The following VAMP2 variants were observed in gnomAD, a reference collection of about 807,000 sequenced individuals.
VAMP2 encodes vesicle associated membrane protein 2, also known as vesicle-associated membrane protein 2.
For synonymous variants in VAMP2, 67 were observed against 57.3 expected (o/e 1.17, Z -0.76); for missense variants, 95 against 151.3 (o/e 0.63, Z 1.95).
intron 4 of VAMP2, 111 bp downstream of exon 4, chr17:8,161,362 A>G (rs1983305859): frequency 7.0e-7 from 1 of 1,422,900 alleles, no homozygotes; most frequent in Non-Finnish European, 9.5e-7. Flanking sequence ...ATTAGCAGCT[A>G]TATGTGTTTT....
Position 8,160,380 on chromosome 17 carries a change from G to GTTTTTTTTTTTTGT in VAMP2, c.*474_*475insACAAAAAAAAAAAA, listed in dbSNP as rs1983261348. ...TAAGGAAGCCTGGACAGGTGCTGTT[G>GTTTTTTTTTTTTGT]TTTTTTTTTTTTTTTTTTTTTTTTT... On this transcript the variant is annotated 3_prime_UTR_variant, in exon 5 of 5. Transcript: ENST00000316509. 1 of 35,108 alleles carries GTTTTTTTTTTTTGT rather than the reference G, an allele frequency of 2.8e-5. No individual in the cohort carries two copies. Among genetic ancestry groups the GTTTTTTTTTTTTGT allele is most frequent in the African/African-American group, 1.2e-4 (1 of 8,576 alleles). The allele number at this position is 35,108 out of a possible 1,614,324, so 2.2% of individuals were successfully genotyped here. A position where few individuals can be genotyped will look rare whatever the true frequency, so the allele number is the denominator to read the frequency against.
intron 4 of VAMP2, chr17:8,161,157 G>A: frequency 1.8e-6 from 1 of 559,650 alleles, no homozygotes; most frequent in South Asian, 2.3e-5. Flanking sequence ...TCCTGGTCAT[G>A]TCTCAAGCCC....
chr17:8,162,766 G>A, intron 1 of VAMP2, 112 bp downstream of exon 1: 8 of 1,242,902 alleles, frequency 6.4e-6, no homozygotes, highest in Non-Finnish European at 7.0e-6. Context: ...CTTGGGCCTG[G>A]CCCCGGGGCG....
At position 8,160,764 on chromosome 17, in the gene VAMP2, G is replaced by A. The variant is rs1451446092; in HGVS notation, c.*91C>T. ...CACACACACACACGGATCCAGGGGA[G>A]TGGGGGCTGAAAGATATGGCTGAGA... is the stretch of plus-strand genomic sequence containing the variant. On this transcript the variant is annotated 3_prime_UTR_variant, in exon 5 of 5. Coordinates refer to ENST00000316509, the MANE Select transcript of VAMP2 (RefSeq NM_014232.3). 5.0e-6 allele frequency: 7 copies of A among 1,393,036 alleles called. No homozygotes were observed. Among genetic ancestry groups the A allele is most frequent in the Non-Finnish European group, 5.9e-6 (6 of 1,021,420 alleles). 86.3% of individuals were successfully genotyped at this position (1,393,036 alleles called of 1,614,324 possible).
In VAMP2 at chr17:8,160,938, AGT is replaced by A. The variant is rs1394878259; in HGVS notation, c.335-69_335-68del. ...AGAGAAAGAGAGAGAACAAGAAAGC[AGT>A]GTGTCAGGCCTGGCCCTGCTCCAAT... is the stretch of plus-strand genomic sequence containing the variant. On this transcript the variant is annotated intron_variant, in intron 4 of 4. Transcript: ENST00000316509. 3.5e-6 allele frequency: 5 copies of A among 1,437,128 alleles called. No individual in the cohort carries two copies. In the Admixed American group the frequency reaches 5.1e-5, roughly 15 times the overall value. 89.0% of individuals were successfully genotyped at this position (1,437,128 alleles called of 1,614,324 possible).
chr17:8,161,545 T>C (rs780810599), intron 3 of VAMP2, 21 bp from the exon 4 acceptor site: 4 of 1,613,944 alleles, frequency 2.5e-6, no homozygotes, highest in Non-Finnish European at 3.4e-6. Flanking sequence ...GAGGCGAGGA[T>C]CAGTAAGACA....
chr17:8,162,029 C>T lies in VAMP2; in HGVS notation c.123+220G>A, dbSNP rs112319765. Among the ~76,000 whole-genome samples, 936 of 152,314 alleles carry T rather than the reference C, an allele frequency of 6.1e-3. 1 individual carries two copies. The highest frequency in any genetic ancestry group is 1.0e-2 in the Non-Finnish European group (680 of 68,014). On this transcript the variant is annotated intron_variant, in intron 2 of 4. Transcript: ENST00000316509. ...AGGCGCTCTGTCCATCACCAGAGCA[C>T]ACCTGCCCAGGCTGGCACACCCCAG...
chr17:8,161,053 G>GCTGTC, intron 4 of VAMP2, 182 bp from the exon 5 acceptor site: 1 of 569,818 alleles, frequency 1.8e-6, no homozygotes, highest in Admixed American at 3.1e-5. Flanking sequence ...AGGTTCTGAG[G>GCTGTC]TCCCTTCCGC....
intron 1 of VAMP2, 87 bp downstream of exon 1, chr17:8,162,791 G>A: frequency 8.2e-7 from 1 of 1,223,852 alleles, no homozygotes; most frequent in Non-Finnish European, 1.0e-6. Flanking sequence ...GAACGCAGGA[G>A]AGACCCCGGG....
intron 1 of VAMP2, 141 bp from the exon 2 acceptor site, chr17:8,162,510 C>A: frequency 6.5e-7 from 1 of 1,529,334 alleles, no homozygotes; most frequent in Non-Finnish European, 8.8e-7. Flanking sequence ...GCCCTGGTCT[C>A]GGTCCAGCCC....
intron 2 of VAMP2, 152 bp from the exon 3 acceptor site, chr17:8,161,918 A>C: frequency 8.1e-7 from 1 of 1,240,684 alleles, no homozygotes. Flanking sequence ...TGCCTAGCAC[A>C]CCTGGGGACA....
At position 8,161,464 on chromosome 17, in the gene VAMP2, C is replaced by A. The variant is rs764196448; in HGVS notation, c.334+9G>T. On this transcript the variant is annotated intron_variant, in intron 4 of 4. Coordinates refer to ENST00000316509, the MANE Select transcript of VAMP2 (RefSeq NM_014232.3). ...GGGAAAGGGCCCCGGCCATTCTCACCCTACTCACCTATGATGATGATGAGG... is the reference window on the plus strand; with the variant it reads ...GGGAAAGGGCCCCGGCCATTCTCACACTACTCACCTATGATGATGATGAGG... 3.7e-6 allele frequency: 6 copies of A among 1,614,008 alleles called. 1 individual carries two copies. The South Asian group carries it at 4.4e-5, about 12-fold the overall frequency.
At position 8,160,813 on chromosome 17, in the gene VAMP2, G is replaced by T. The variant is rs751787645; in HGVS notation, c.*42C>A. ...GAGGTGGAGGAACGGCTGAGGGTTG[G>T]GGGAGAGGCCCTTCTCTAGGCAGGG... On this transcript the variant is annotated 3_prime_UTR_variant, in exon 5 of 5. Transcript: ENST00000316509. The T allele has an allele frequency of 6.2e-7, 1 of 1,602,892 alleles. No homozygotes were observed. The highest frequency in any genetic ancestry group is 1.7e-5 in the Admixed American group (1 of 59,430).
Position 8,160,766 on chromosome 17 carries a change from G to A in VAMP2, c.*89C>T. 1 of 1,478,852 alleles carries A rather than the reference G, an allele frequency of 6.8e-7. No individual in the cohort carries two copies. The highest frequency in any genetic ancestry group is 1.9e-5 in the Admixed American group (1 of 53,410). The allele number at this position is 1,478,852 out of a possible 1,614,324, so 91.6% of individuals were successfully genotyped here. A position where few individuals can be genotyped will look rare whatever the true frequency, so the allele number is the denominator to read the frequency against. Reference sequence around the variant, plus strand: ...CACACACACACGGATCCAGGGGAGTGGGGGCTGAAAGATATGGCTGAGAGG... The same window carrying A: ...CACACACACACGGATCCAGGGGAGTAGGGGCTGAAAGATATGGCTGAGAGG... On this transcript the variant is annotated 3_prime_UTR_variant, in exon 5 of 5. Coordinates refer to ENST00000316509, the MANE Select transcript of VAMP2 (RefSeq NM_014232.3).
Position 8,160,384 on chromosome 17 carries a change from T to TTG in VAMP2, c.*470_*471insCA, listed in dbSNP as rs1983263934. ...GAAGCCTGGACAGGTGCTGTTGTTT[T>TTG]TTTTTTTTTTTTTTTTTTTTTGAGG... On this transcript the variant is annotated 3_prime_UTR_variant, in exon 5 of 5. Coordinates refer to ENST00000316509, the MANE Select transcript of VAMP2 (RefSeq NM_014232.3). 8.1e-6 allele frequency: 1 copy of TTG among 123,038 alleles called. No homozygotes were observed. Among genetic ancestry groups the TTG allele is most frequent in the East Asian group, 2.4e-4 (1 of 4,188 alleles). The allele number at this position is 123,038 out of a possible 1,614,324, so 7.6% of individuals were successfully genotyped here. A position where few individuals can be genotyped will look rare whatever the true frequency, so the allele number is the denominator to read the frequency against.
intron 1 of VAMP2, 124 bp downstream of exon 1, chr17:8,162,754 G>T (rs908668709): frequency 1.0e-5 from 13 of 1,265,180 alleles, no homozygotes; most frequent in East Asian, 3.2e-5. Context: ...CGCAGTCACC[G>T]GCTTGGGCCT....
chr17:8,162,612 G>A lies in VAMP2; in HGVS notation c.3-243C>T, dbSNP rs8079444. 506 of 1,406,884 alleles carry A rather than the reference G, an allele frequency of 3.6e-4. 3 individuals carry two copies. In the African/African-American group the frequency reaches 6.7e-3, roughly 19 times the overall value. The allele number at this position is 1,406,884 out of a possible 1,614,324, so 87.2% of individuals were successfully genotyped here. A position where few individuals can be genotyped will look rare whatever the true frequency, so the allele number is the denominator to read the frequency against. On this transcript the variant is annotated intron_variant, in intron 1 of 4. Coordinates refer to ENST00000316509, the MANE Select transcript of VAMP2 (RefSeq NM_014232.3). ...GAGGGCGACCTCACAGATGCGATCC[G>A]GGTCGACCCGAAAAGACAGGCGGCC...
At chr17:8,161,819 G>A (rs1983322396) in intron 2 of VAMP2, 53 bp from the exon 3 acceptor site, 7 of 1,587,566 alleles carry the variant, frequency 4.4e-6, no homozygotes, top group African/African-American at 2.7e-5. Flanking sequence ...ACCTCAGTGA[G>A]GGCAATCCTC....
intron 2 of VAMP2, among the ~76,000 whole-genome samples, 159 bp downstream of exon 2, chr17:8,162,090 C>T (rs1983330966): frequency 6.6e-6 from 1 of 152,160 alleles, no homozygotes; most frequent in African/African-American, 2.4e-5. Context: ...AGCGCCCTTC[C>T]AAGTGCGTGC....
Sources: gnomAD v4.1 joint callset for allele counts (sites outside exome capture counted in the v4.1 genomes callset) on GRCh38, gnomAD v4.1.1 for gene constraint, MANE v1.5 for transcripts, NCBI Gene and HGNC (gene_info 2026-07-23, HGNC 2026-07-21) for gene names.